The following PHEX variants were observed in gnomAD, a reference collection of about 807,000 sequenced individuals.
PHEX encodes the protein phosphate-regulating neutral endopeptidase PHEX.
Under a neutral mutation model 68.0 loss-of-function variants are expected in PHEX, and 16 were observed. The observed-to-expected ratio is 0.24, with a 90% CI of 0.16 to 0.36. The LOEUF is 0.36. PHEX is among the 10% of genes least tolerant of loss of function. The pLI, the probability that PHEX is intolerant of heterozygous loss-of-function variation, is 1.00. For synonymous variants in PHEX, 208 were observed against 205.1 expected, an observed-to-expected ratio of 1.01 and a Z score of -0.12; for missense variants, 480 against 575.5, an observed-to-expected ratio of 0.83 and a Z score of 1.70.
chrX:22,055,605 A>T (rs1463099835), intron 3 of PHEX, among the ~76,000 whole-genome samples: 1 of 110,390 alleles, frequency 9.1e-6, no homozygotes, highest in Non-Finnish European at 1.9e-5. Flanking sequence ...TCTGTCACCC[A>T]GGCTAGAGTG....
At chrX:22,093,813 A>T (rs943833800) in intron 6 of PHEX, among the ~76,000 whole-genome samples, 170 bp from the exon 7 acceptor site, 1 of 111,974 alleles carries the variant, frequency 8.9e-6, no homozygotes, top group African/African-American at 3.2e-5. Context: ...TTTTTCTCCC[A>T]AAGTGTTATA....
At chrX:22,034,570 G>A (rs2146975504) in intron 1 of PHEX, among the ~76,000 whole-genome samples, 1 of 112,136 alleles carries the variant, frequency 8.9e-6, no homozygotes, top group South Asian at 3.7e-4. Flanking sequence ...TGGATAAGGA[G>A]GCCTGCATAA....
At chrX:22,036,181 T>C (rs1927012777) in intron 1 of PHEX, among the ~76,000 whole-genome samples, 2 of 104,185 alleles carry the variant, frequency 1.9e-5, no homozygotes, top group African/African-American at 7.1e-5. Context: ...TGCCTCAGCC[T>C]CCTGAGTAGC....
intron 5 of PHEX, among the ~76,000 whole-genome samples, chrX:22,082,381 CT>C (rs1381205409): frequency 8.9e-6 from 1 of 112,232 alleles, no homozygotes; most frequent in Non-Finnish European, 1.9e-5. Context: ...TATTTATTGA[CT>C]TTTTGATAAT....
intron 3 of PHEX, among the ~76,000 whole-genome samples, chrX:22,057,973 A>G (rs1293011533): frequency 9.0e-5 from 10 of 111,339 alleles, no homozygotes; most frequent in Non-Finnish European, 1.9e-5. Context: ...GTCCCAGAAG[A>G]CTCTTGAGAT....
chrX:22,094,135 CTTTCT>C, intron 7 of PHEX, 36 bp downstream of exon 7: 2 of 779,357 alleles, frequency 2.6e-6, no homozygotes, highest in Non-Finnish European at 3.9e-6. Context: ...CTTTCCTTTA[CTTTCT>C]TTTCTTTTCC....
chrX:22,167,922 T>G (rs1378758109), intron 12 of PHEX, among the ~76,000 whole-genome samples: 1 of 111,866 alleles, frequency 8.9e-6, no homozygotes, highest in Non-Finnish European at 1.9e-5. Flanking sequence ...TCTTTGCCCC[T>G]GTTTCTTCTC....
At chrX:22,126,448 T>C (rs1931725498) in intron 11 of PHEX, among the ~76,000 whole-genome samples, 1 of 111,834 alleles carries the variant, frequency 8.9e-6, no homozygotes, top group Non-Finnish European at 1.9e-5. Context: ...CAACCGATCA[T>C]GGGGCAAACT....
chrX:22,194,984 C>T (rs961242940), intron 15 of PHEX, among the ~76,000 whole-genome samples: 10 of 112,149 alleles, frequency 8.9e-5, no homozygotes, highest in African/African-American at 3.2e-4. Flanking sequence ...GTGATAACTG[C>T]GACACTGATC....
intron 20 of PHEX, among the ~76,000 whole-genome samples, chrX:22,228,347 C>T (rs924810139): frequency 8.9e-6 from 1 of 111,734 alleles, no homozygotes; most frequent in African/African-American, 3.3e-5. Context: ...TATGAATATG[C>T]TCAAAGCTAG....
intron 1 of PHEX, among the ~76,000 whole-genome samples, chrX:22,037,551 G>A (rs1452440516): frequency 8.9e-6 from 1 of 112,075 alleles, no homozygotes; most frequent in Non-Finnish European, 1.9e-5. Context: ...CTGTACTTCT[G>A]CAGACACCTA....
chrX:22,225,868 C>T (rs1368009663), intron 18 of PHEX, among the ~76,000 whole-genome samples: 1 of 111,782 alleles, frequency 8.9e-6, no homozygotes, highest in South Asian at 3.7e-4. Context: ...TTTTTTTTAC[C>T]ATGCTGGCTG....
At chrX:22,239,279 A>G (rs1374065081) in intron 20 of PHEX, among the ~76,000 whole-genome samples, 2 of 111,783 alleles carry the variant, frequency 1.8e-5, no homozygotes, top group Admixed American at 1.9e-4. Context: ...GGATGGGGAG[A>G]AACCAGTGCA....
At chrX:22,232,596 CTTTTTTTTTTTTTTTTTT>C (rs745474280) in intron 20 of PHEX, among the ~76,000 whole-genome samples, 3 of 18,549 alleles carry the variant, frequency 1.6e-4, no homozygotes, top group Non-Finnish European at 2.1e-4. Context: ...GCCACTTCTG[CTTTTTTTTTTTTTTTTTT>C]TTTTTTTTTT....
chrX:22,112,711 T>C (rs1045491087), intron 10 of PHEX, among the ~76,000 whole-genome samples: 1 of 110,779 alleles, frequency 9.0e-6, no homozygotes, highest in Non-Finnish European at 1.9e-5. Context: ...GAGACCAGCC[T>C]GGCCAACGTG....
Position 22,090,564 on chromosome X carries a change from C to T in PHEX, c.732+67C>T, listed in dbSNP as rs912760008. The T allele has an allele frequency of 1.1e-4, 85 of 739,872 alleles. No individual in the cohort carries two copies. The Admixed American group carries it at 1.8e-3, about 15-fold the overall frequency. 61.0% of individuals were successfully genotyped at this position (739,872 alleles called of 1,213,427 possible). The stretch of plus-strand genomic sequence containing the variant: ...CTGTCAGGCCCATTAGTTCTAAGGC[C>T]GCTGCTTCTTTATTGGAAATGAGCA... On this transcript the variant is annotated intron_variant, in intron 6 of 21. Coordinates refer to ENST00000379374, the MANE Select transcript of PHEX (RefSeq NM_000444.6).
intron 20 of PHEX, among the ~76,000 whole-genome samples, chrX:22,232,136 G>A (rs1935769092): frequency 8.9e-6 from 1 of 111,822 alleles, no homozygotes; most frequent in African/African-American, 3.3e-5. Context: ...CTGAGAGACT[G>A]TTTGTTATGA....
chrX:22,131,000 C>T (rs958999920), intron 11 of PHEX, among the ~76,000 whole-genome samples: 2 of 110,962 alleles, frequency 1.8e-5, no homozygotes, highest in African/African-American at 6.6e-5. Flanking sequence ...ATGCCCACGA[C>T]GCAGGATTTT....
chrX:22,161,355 C>T (rs1220566538), intron 12 of PHEX, among the ~76,000 whole-genome samples: 1 of 111,881 alleles, frequency 8.9e-6, no homozygotes, highest in East Asian at 2.8e-4. Flanking sequence ...GAACCTGGGA[C>T]ATGGAGGTTG....
Sources: gnomAD v4.1 joint callset for allele counts (sites outside exome capture counted in the v4.1 genomes callset) on GRCh38, gnomAD v4.1.1 for gene constraint, MANE v1.5 for transcripts, NCBI Gene and HGNC (gene_info 2026-07-23, HGNC 2026-07-21) for gene names.